Variants in EML5 observed in about 807,000 individuals in gnomAD.
EML5 encodes echinoderm microtubule-associated protein-like 5.
EML5 carries 120 observed loss-of-function variants against 250.0 expected under a neutral mutation model. The ratio of observed to expected loss-of-function variants is 0.48; its 90% CI spans 0.41 to 0.56. The LOEUF is 0.56. EML5 is among the 20% of genes least tolerant of loss of function. The pLI is 0.00. For synonymous variants in EML5, 771 were observed against 806.5 expected (o/e 0.96, Z 0.75); for missense variants, 2,006 against 2,437.6 (o/e 0.82, Z 3.73).
chr14:88,693,763 CTTTTTTT>C (rs71127002), intron 17 of EML5, among the ~76,000 whole-genome samples: 5 of 62,846 alleles, frequency 8.0e-5, no homozygotes, highest in African/African-American at 1.5e-4. Flanking sequence ...ATGTTAACAT[CTTTTTTT>C]TTTTTTTTTT....
At chr14:88,745,716 T>A (rs2093995572) in intron 3 of EML5, among the ~76,000 whole-genome samples, 1 of 152,136 alleles carries the variant, frequency 6.6e-6, no homozygotes, top group African/African-American at 2.4e-5. Context: ...ACTTCACACC[T>A]TAAATATGTG....
intron 1 of EML5, among the ~76,000 whole-genome samples, chr14:88,765,228 C>T (rs1177621480): frequency 6.6e-6 from 1 of 152,212 alleles, no homozygotes. Flanking sequence ...CCTGTGCATA[C>T]AGTCTCACAA....
chr14:88,615,554 T>C lies in EML5; in HGVS notation c.*264A>G. On this transcript the variant is annotated 3_prime_UTR_variant, in exon 44 of 44. Coordinates refer to ENST00000554922, the MANE Select transcript of EML5 (RefSeq NM_183387.3). ...TCTGCCGAAATCACACACTTCCCAATACAGGGGGACTTGGCCTTTACCATC... is the reference window on the plus strand; with the variant it reads ...TCTGCCGAAATCACACACTTCCCAACACAGGGGGACTTGGCCTTTACCATC... The C allele has an allele frequency of 2.5e-6, 1 of 401,550 alleles. No individual in the cohort carries two copies. The highest frequency in any genetic ancestry group is 2.1e-5 in the African/African-American group (1 of 48,562). 24.9% of individuals were successfully genotyped at this position (401,550 alleles called of 1,614,324 possible).
chr14:88,656,330 A>T (rs890201289), intron 27 of EML5, among the ~76,000 whole-genome samples: 1 of 152,196 alleles, frequency 6.6e-6, no homozygotes, highest in African/African-American at 2.4e-5. Flanking sequence ...ACATGGATGA[A>T]GCTGGAAACC....
chr14:88,636,627 C>T (rs1488351959), intron 32 of EML5, among the ~76,000 whole-genome samples: 1 of 152,124 alleles, frequency 6.6e-6, no homozygotes, highest in African/African-American at 2.4e-5. Flanking sequence ...TGCCACTGCA[C>T]TACAGCCTGG....
intron 1 of EML5, among the ~76,000 whole-genome samples, chr14:88,774,509 T>C (rs1392773380): frequency 6.6e-6 from 1 of 152,232 alleles, no homozygotes; most frequent in Non-Finnish European, 1.5e-5. Context: ...ATACACAGTC[T>C]TTTGGGGAGT....
At position 88,792,260 on chromosome 14, in the gene EML5, C is replaced by T. The variant is rs2094617587; in HGVS notation, c.197+47G>A. ...CAGAGGAACCCGCGGGTGCAAACTC[C>T]GGGAGCGGCTTGCAGGGTGACGGCG... On this transcript the variant is annotated intron_variant, in intron 1 of 43. Coordinates refer to ENST00000554922, the MANE Select transcript of EML5 (RefSeq NM_183387.3). This position sits in a 1 kb window ranked among gnomAD's most constrained non-coding sequence, Gnocchi z 6.9. 1 of 1,530,274 alleles carries T rather than the reference C, an allele frequency of 6.5e-7. No individual in the cohort carries two copies. Among genetic ancestry groups the T allele is most frequent in the African/African-American group, 1.4e-5 (1 of 72,266 alleles). The allele number at this position is 1,530,274 out of a possible 1,614,324, so 94.8% of individuals were successfully genotyped here.
At chr14:88,622,485 G>T in intron 37 of EML5, 119 bp downstream of exon 37, 1 of 772,222 alleles carries the variant, frequency 1.3e-6, no homozygotes. Flanking sequence ...ATGTTGGCAA[G>T]CAAATCCATC....
chr14:88,764,691 A>T (rs2094296626), intron 1 of EML5, among the ~76,000 whole-genome samples: 1 of 152,140 alleles, frequency 6.6e-6, no homozygotes, highest in Admixed American at 6.5e-5. Context: ...TTTTTCTTTT[A>T]AAAAATATGC....
At position 88,669,184 on chromosome 14, in the gene EML5, C is replaced by A. The variant is rs529175152; in HGVS notation, c.3125-3695G>T. Among the ~76,000 whole-genome samples the A allele has an allele frequency of 1.6e-4, 24 of 152,304 alleles. 1 individual carries two copies. In the South Asian group the frequency reaches 4.6e-3, roughly 29 times the overall value. ...CTGTGCAACTGGTGGATCAGGAGAT[C>A]CCCTCCGTGAGCCCATGCCACCAGT... On this transcript the variant is annotated intron_variant, in intron 21 of 43. Coordinates refer to ENST00000554922, the MANE Select transcript of EML5 (RefSeq NM_183387.3).
chr14:88,731,817 C>T (rs943743260), intron 7 of EML5, among the ~76,000 whole-genome samples: 9 of 152,090 alleles, frequency 5.9e-5, no homozygotes, highest in African/African-American at 2.2e-4. Context: ...CTCTGATGGC[C>T]AGTGATGATG....
At chr14:88,652,991 CCT>C (rs2091702683) in intron 27 of EML5, among the ~76,000 whole-genome samples, 1 of 152,026 alleles carries the variant, frequency 6.6e-6, no homozygotes. Flanking sequence ...GTGGTTTGTA[CCT>C]CTCTTTGAAG....
intron 20 of EML5, 68 bp from the exon 21 acceptor site, chr14:88,682,099 T>C: frequency 7.3e-7 from 1 of 1,368,566 alleles, no homozygotes; most frequent in Non-Finnish European, 9.5e-7. Context: ...TTATTTAGAA[T>C]AAAGCTAAAG....
intron 21 of EML5, among the ~76,000 whole-genome samples, chr14:88,673,790 G>C (rs1417738814): frequency 2.0e-5 from 3 of 152,088 alleles, no homozygotes; most frequent in African/African-American, 7.2e-5. Context: ...GCTATGAAGA[G>C]AATAAAATAC....
At chr14:88,634,319 C>T in intron 33 of EML5, 150 bp downstream of exon 33, 1 of 524,030 alleles carries the variant, frequency 1.9e-6, no homozygotes, top group Non-Finnish European at 3.3e-6. Context: ...GCCTGTGGAG[C>T]TGTGAGCCAA....
At chr14:88,708,750 G>C (rs1014580529) in intron 10 of EML5, among the ~76,000 whole-genome samples, 1 of 151,996 alleles carries the variant, frequency 6.6e-6, no homozygotes, top group South Asian at 2.1e-4. Context: ...ACCTCTTTTG[G>C]ACTCCATTTT....
intron 40 of EML5, 91 bp from the exon 41 acceptor site, chr14:88,618,422 T>G (rs1417781845): frequency 1.7e-6 from 2 of 1,187,764 alleles, no homozygotes; most frequent in Non-Finnish European, 2.4e-6. Context: ...TATTGCTACT[T>G]GATTTACATG....
intron 2 of EML5, among the ~76,000 whole-genome samples, chr14:88,751,367 G>A (rs1240804615): frequency 1.3e-5 from 2 of 152,152 alleles, no homozygotes; most frequent in East Asian, 3.9e-4. Flanking sequence ...GTACATTTCA[G>A]AACAAAGGAC....
chr14:88,618,319 A>G lies in EML5; in HGVS notation c.5551T>C (p.Cys1851Arg). 6.2e-7 allele frequency: 1 copy of G among 1,613,632 alleles called. No individual in the cohort carries two copies. Among genetic ancestry groups the G allele is most frequent in the Non-Finnish European group, 8.5e-7 (1 of 1,179,808 alleles). ...DSSYLQVSSG[C>R]YKRHVYEVPS... ...ACTTCATAGACATGCCGTTTATAGC[A>G]GCCACTAGAGACCTTTTTCATCAGA... The change falls in exon 41 of 44, where the codon TGC becomes CGC. Residue 1851 changes from cysteine to arginine, a missense_variant. Cys to Arg is a radical substitution (Grantham distance 180, BLOSUM62 -3). Coordinates refer to ENST00000554922, the MANE Select transcript of EML5 (RefSeq NM_183387.3).
Sources: gnomAD v4.1 joint callset for allele counts (sites outside exome capture counted in the v4.1 genomes callset) on GRCh38, gnomAD v4.1.1 for gene constraint, Gnocchi (gnomAD v3.1) non-coding constraint, MANE v1.5 for transcripts, NCBI Gene and HGNC (gene_info 2026-07-23, HGNC 2026-07-21) for gene names.